The following PRR16 variants were observed in gnomAD, a reference collection of about 807,000 sequenced individuals.
PRR16 encodes the protein protein Largen.
In PRR16, 6 loss-of-function variants were observed where a neutral mutation model predicts 18.2. The ratio of observed to expected loss-of-function variants is 0.33; its 90% CI spans 0.18 to 0.65. PRR16 has a LOEUF of 0.65. Ranked by LOEUF, PRR16 falls within the 30% of genes least tolerant of loss-of-function variation. The pLI is 0.74. For synonymous variants in PRR16, 151 were observed against 147.8 expected (o/e 1.02, Z -0.16); for missense variants, 412 against 376.6 (o/e 1.09, Z -0.78).
chr5:120,530,862 C>G (rs1751528478), intron 1 of PRR16, among the ~76,000 whole-genome samples: 2 of 152,146 alleles, frequency 1.3e-5, no homozygotes, highest in South Asian at 2.1e-4. Flanking sequence ...AAGACAATCC[C>G]TGCTACCAAA....
At chr5:120,554,144 G>A (rs1202287122) in intron 1 of PRR16, among the ~76,000 whole-genome samples, 3 of 151,878 alleles carry the variant, frequency 2.0e-5, no homozygotes, top group South Asian at 4.1e-4. Flanking sequence ...AACCAGATGC[G>A]TAGGCAGGAC....
the PRR16 span, among the ~76,000 whole-genome samples, chr5:120,714,450 C>A: frequency 6.6e-6 from 1 of 152,076 alleles, no homozygotes. Flanking sequence ...TACCATCTTG[C>A]ACCAGTCAGA....
chr5:120,656,015 G>A (rs781131975), intron 1 of PRR16, among the ~76,000 whole-genome samples: 1 of 151,802 alleles, frequency 6.6e-6, no homozygotes, highest in Non-Finnish European at 1.5e-5. Context: ...AGAGCATGCA[G>A]TTGCCACCAG....
chr5:120,684,839 T>C (rs1379958389), intron 1 of PRR16, among the ~76,000 whole-genome samples: 1 of 152,226 alleles, frequency 6.6e-6, no homozygotes, highest in East Asian at 1.9e-4. Context: ...CATTCAATGT[T>C]CCTATCTTCA....
At chr5:120,494,685 C>G (rs1393552703) in intron 1 of PRR16, among the ~76,000 whole-genome samples, 3 of 152,036 alleles carry the variant, frequency 2.0e-5, no homozygotes, top group Admixed American at 1.3e-4. Flanking sequence ...GAACCTAGCC[C>G]TAAATTCTGA....
chr5:120,567,940 T>C (rs919014689), intron 1 of PRR16, among the ~76,000 whole-genome samples: 1 of 152,124 alleles, frequency 6.6e-6, no homozygotes, highest in African/African-American at 2.4e-5. Context: ...CCAGGTCCAC[T>C]CCACTTTCCA....
At chr5:120,679,900 G>T (rs996830223) in intron 1 of PRR16, among the ~76,000 whole-genome samples, 1 of 152,094 alleles carries the variant, frequency 6.6e-6, no homozygotes, top group African/African-American at 2.4e-5. Flanking sequence ...AAATATGTGG[G>T]ATGAACACAT....
At chr5:120,535,198 G>A (rs543020976) in intron 1 of PRR16, among the ~76,000 whole-genome samples, 42 of 152,124 alleles carry the variant, frequency 2.8e-4, no homozygotes, top group African/African-American at 9.4e-4. Flanking sequence ...TTTATTTACT[G>A]AGTATCGTCA....
At chr5:120,512,327 G>C (rs1433349689) in intron 1 of PRR16, among the ~76,000 whole-genome samples, 2 of 152,100 alleles carry the variant, frequency 1.3e-5, no homozygotes, top group Non-Finnish European at 2.9e-5. Flanking sequence ...ATCCCTTAAA[G>C]ATCACAATTG....
chr5:120,723,113 C>T, the PRR16 span, among the ~76,000 whole-genome samples: 2 of 151,786 alleles, frequency 1.3e-5, no homozygotes, highest in African/African-American at 4.8e-5. Context: ...GCTTTTGTAG[C>T]AATACCATCA....
chr5:120,750,582 G>A, the PRR16 span, among the ~76,000 whole-genome samples: 199 of 151,990 alleles, frequency 1.3e-3, 1 homozygote, highest in African/African-American at 4.5e-3. Flanking sequence ...CAGGAGAATC[G>A]CTTGGACATG....
At chr5:120,586,060 C>T (rs1254382351) in intron 1 of PRR16, among the ~76,000 whole-genome samples, 1 of 151,846 alleles carries the variant, frequency 6.6e-6, no homozygotes, top group Non-Finnish European at 1.5e-5. Context: ...GTAGTCCCAG[C>T]TACTCAGGAG....
intron 1 of PRR16, among the ~76,000 whole-genome samples, chr5:120,533,062 G>C (rs1014437333): frequency 6.6e-6 from 1 of 152,086 alleles, no homozygotes; most frequent in Non-Finnish European, 1.5e-5. Context: ...CCACCTTGTG[G>C]GGGCTACGGC....
the PRR16 span, among the ~76,000 whole-genome samples, chr5:120,793,236 C>T: frequency 1.3e-5 from 2 of 152,076 alleles, no homozygotes; most frequent in South Asian, 2.1e-4. Flanking sequence ...GTATAATATA[C>T]GTAGTTCCTT....
At chr5:120,663,509 T>C (rs1756249561) in intron 1 of PRR16, among the ~76,000 whole-genome samples, 1 of 152,198 alleles carries the variant, frequency 6.6e-6, no homozygotes, top group South Asian at 2.1e-4. Flanking sequence ...GCACACCGTC[T>C]ACTTTAATTA....
intron 1 of PRR16, among the ~76,000 whole-genome samples, chr5:120,588,112 C>G (rs932375509): frequency 6.6e-6 from 1 of 152,142 alleles, no homozygotes; most frequent in Admixed American, 6.6e-5. Flanking sequence ...AACTGAATTG[C>G]TGCAATTTTA....
At chr5:120,720,556 C>G in the PRR16 span, among the ~76,000 whole-genome samples, 13 of 151,888 alleles carry the variant, frequency 8.6e-5, no homozygotes, top group Non-Finnish European at 1.8e-4. Context: ...TTTTTTCTGG[C>G]TTTATCAATT....
chr5:120,662,966 G>A (rs1371289335), intron 1 of PRR16, among the ~76,000 whole-genome samples: 1 of 152,062 alleles, frequency 6.6e-6, no homozygotes, highest in African/African-American at 2.4e-5. Context: ...TAGGCTTGTG[G>A]GAAATGTCTT....
downstream of PRR16, among the ~76,000 whole-genome samples, chr5:120,691,094 C>T (rs1365431748): frequency 1.3e-5 from 2 of 152,098 alleles, no homozygotes; most frequent in African/African-American, 4.8e-5. Context: ...AATTAGTACA[C>T]TTATTTAAAA....
Sources: gnomAD v4.1 joint callset for allele counts (sites outside exome capture counted in the v4.1 genomes callset) on GRCh38, gnomAD v4.1.1 for gene constraint, MANE v1.5 for transcripts, NCBI Gene and HGNC (gene_info 2026-07-23, HGNC 2026-07-21) for gene names.